Variants in PTGER3 observed in about 807,000 individuals in gnomAD.
PTGER3 encodes prostaglandin E receptor 3.
Under a neutral mutation model 34.7 loss-of-function variants are expected in PTGER3, and 22 were observed. That is an observed-to-expected ratio of 0.63 (90% CI 0.45 to 0.91). PTGER3 has a LOEUF of 0.91. Ranked by LOEUF, PTGER3 falls within the 40% of genes least tolerant of loss-of-function variation. The pLI, the probability that PTGER3 is intolerant of heterozygous loss-of-function variation, is 0.00. For missense variants in PTGER3, 468 were observed against 519.4 expected (o/e 0.90, Z 0.96); for synonymous variants, 241 against 230.1 (o/e 1.05, Z -0.43).
chr1:71,019,821 G>A (rs1044562713), intron 1 of PTGER3, among the ~76,000 whole-genome samples: 1 of 152,164 alleles, frequency 6.6e-6, no homozygotes, highest in Non-Finnish European at 1.5e-5. Context: ...ATTTATGGGG[G>A]AGGAAATAAA....
intron 4 of PTGER3, among the ~76,000 whole-genome samples, chr1:70,867,850 A>G (rs1437349891): frequency 6.6e-6 from 1 of 152,206 alleles, no homozygotes; most frequent in East Asian, 1.9e-4. Flanking sequence ...TTGCAGGTAC[A>G]TTATTTACAG....
intron 4 of PTGER3, among the ~76,000 whole-genome samples, chr1:70,903,875 T>C (rs1173501707): frequency 6.6e-6 from 1 of 152,256 alleles, no homozygotes; most frequent in Admixed American, 6.5e-5. Context: ...TTTTCTCTTC[T>C]GTAAAATGAG....
In PTGER3 at chr1:70,974,328, A is replaced by C. The variant is rs763268524; in HGVS notation, c.1138T>G (p.Ser380Ala). ...SSTSLPCQCS[S>A]TLMWSDHLER ...AAATGGTCGCTCCACATCAAGGTTG[A>C]GGAACACTGGCAGGGTAAGGAGGTG... The change falls in exon 3 of 4, where the codon TCA becomes GCA. Residue 380 changes from serine (S) to alanine (A), a missense_variant. Ser to Ala is a moderately conservative substitution (Grantham distance 99, BLOSUM62 1). Transcript: ENST00000306666. The C allele has an allele frequency of 1.3e-6, 2 of 1,522,008 alleles. No individual in the cohort carries two copies. Among genetic ancestry groups the C allele is most frequent in the East Asian group, 4.5e-5 (2 of 44,482 alleles). The allele number at this position is 1,522,008 out of a possible 1,614,324, so 94.3% of individuals were successfully genotyped here.
intron 2 of PTGER3, chr1:71,011,233 G>A (rs1657414247): frequency 2.0e-6 from 2 of 985,316 alleles, no homozygotes; most frequent in Non-Finnish European, 2.4e-6. Context: ...CCACTTTGAG[G>A]AGCAGGCAGA....
At chr1:70,901,658 T>G (rs2100339199) in intron 4 of PTGER3, among the ~76,000 whole-genome samples, 1 of 152,302 alleles carries the variant, frequency 6.6e-6, no homozygotes, top group African/African-American at 2.4e-5. Context: ...TGAGTATAAC[T>G]ATTTAATCTA....
At chr1:71,013,094 T>C (rs1176704493) in intron 1 of PTGER3, among the ~76,000 whole-genome samples, 3 of 152,156 alleles carry the variant, frequency 2.0e-5, no homozygotes, top group Admixed American at 2.0e-4. Context: ...TACAATATTA[T>C]ACTTTTCTTT....
chr1:70,987,812 G>A (rs893075822), intron 2 of PTGER3, among the ~76,000 whole-genome samples: 4 of 152,152 alleles, frequency 2.6e-5, no homozygotes, highest in African/African-American at 7.2e-5. Flanking sequence ...TTATACATCC[G>A]ATAAATAAAT....
downstream of PTGER3, among the ~76,000 whole-genome samples, chr1:70,968,954 C>T (rs369820770): frequency 9.2e-5 from 14 of 152,128 alleles, no homozygotes; most frequent in African/African-American, 3.4e-4. Flanking sequence ...CACCTGTAAT[C>T]CCAGCACTTT....
chr1:70,953,851 A>T, intron 2 of PTGER3: 2 of 733,988 alleles, frequency 2.7e-6, no homozygotes. Context: ...TCCTAGAAGG[A>T]TGCTAAACCA....
At chr1:71,046,660 C>T in intron 1 of PTGER3, 21 bp downstream of exon 1, 1 of 1,524,650 alleles carries the variant, frequency 6.6e-7, no homozygotes, top group African/African-American at 1.4e-5. Context: ...CCTGACTTCC[C>T]CCAACCCTGG....
chr1:71,038,074 A>G (rs992874798), intron 1 of PTGER3, among the ~76,000 whole-genome samples: 1 of 152,212 alleles, frequency 6.6e-6, no homozygotes, highest in African/African-American at 2.4e-5. Flanking sequence ...TGTCTTGTGA[A>G]TTTCTCAGAA....
chr1:70,973,537 C>T (rs572870844), intron 3 of PTGER3, among the ~76,000 whole-genome samples: 1 of 152,200 alleles, frequency 6.6e-6, no homozygotes, highest in African/African-American at 2.4e-5. Context: ...TCAGTTATAA[C>T]AACTTGTACC....
intron 4 of PTGER3, among the ~76,000 whole-genome samples, chr1:70,921,228 T>A (rs1457666565): frequency 1.3e-5 from 2 of 152,092 alleles, no homozygotes; most frequent in African/African-American, 4.8e-5. Flanking sequence ...CAGAGGTAGA[T>A]ATGTACTCAG....
intron 4 of PTGER3, among the ~76,000 whole-genome samples, chr1:70,919,078 G>C (rs2100432022): frequency 6.6e-6 from 1 of 152,074 alleles, no homozygotes; most frequent in East Asian, 1.9e-4. Context: ...ACTACATTCT[G>C]TTCAAGTAGG....
chr1:71,008,375 T>C, intron 2 of PTGER3: 1 of 865,824 alleles, frequency 1.2e-6, no homozygotes, highest in Non-Finnish European at 1.4e-6. Context: ...GGTATCATAA[T>C]GTAATGGTAT....
chr1:71,013,702 C>CAA (rs111381892), intron 1 of PTGER3, among the ~76,000 whole-genome samples: 4 of 105,606 alleles, frequency 3.8e-5, no homozygotes, highest in Non-Finnish European at 4.0e-5. Context: ...AACTCTGTCT[C>CAA]AAAAAAAAAA....
chr1:70,887,599 T>C (rs1177797121), intron 4 of PTGER3, among the ~76,000 whole-genome samples: 1 of 150,722 alleles, frequency 6.6e-6, no homozygotes, highest in Admixed American at 6.6e-5. Flanking sequence ...TATGATAGAT[T>C]TGTTTATTGC....
intron 4 of PTGER3, among the ~76,000 whole-genome samples, chr1:70,940,702 C>A (rs1218791859): frequency 6.6e-6 from 1 of 152,142 alleles, no homozygotes; most frequent in African/African-American, 2.4e-5. Context: ...GAAAAACTTG[C>A]CCCATGATTC....
intron 2 of PTGER3, among the ~76,000 whole-genome samples, chr1:70,975,329 T>C (rs2100696121): frequency 6.6e-6 from 1 of 152,068 alleles, no homozygotes; most frequent in Admixed American, 6.5e-5. Flanking sequence ...ACACATCTCC[T>C]AAATTCATTG....
Sources: allele counts gnomAD v4.1 joint callset (sites outside exome capture counted in the v4.1 genomes callset), GRCh38; gene constraint gnomAD v4.1.1; transcripts MANE v1.5; gene names NCBI Gene and HGNC (gene_info 2026-07-23, HGNC 2026-07-21).